The following EYA4 variants were observed in gnomAD, a reference collection of about 807,000 sequenced individuals.
EYA4 encodes the protein protein phosphatase EYA4.
Under a neutral mutation model 87.9 loss-of-function variants are expected in EYA4, and 31 were observed. The ratio of observed to expected loss-of-function variants is 0.35; its 90% CI spans 0.27 to 0.48. The LOEUF (loss-of-function observed/expected upper bound fraction) is 0.48, where lower values mean the gene tolerates loss of function less well. Among genes scored for constraint, EYA4 ranks in the 20% least tolerant of loss-of-function variants. EYA4 has a pLI of 0.99. For missense variants in EYA4, 678 were observed against 761.4 expected (o/e 0.89, Z 1.29); for synonymous variants, 263 against 270.6 (o/e 0.97, Z 0.28).
intron 1 of EYA4, among the ~76,000 whole-genome samples, chr6:133,271,396 A>T (rs964826698): frequency 3.3e-5 from 5 of 152,176 alleles, no homozygotes; most frequent in African/African-American, 1.2e-4. Context: ...CCTCGGTCAG[A>T]GGCAATGCTG....
chr6:133,463,354 C>CTTTTTTTTT (rs571663764), intron 9 of EYA4, among the ~76,000 whole-genome samples: 6 of 115,230 alleles, frequency 5.2e-5, no homozygotes, highest in South Asian at 2.8e-4. Context: ...TGTGTTTTAT[C>CTTTTTTTTT]TTTTTTTTTT....
At chr6:133,261,257 A>G (rs1481044577) in intron 1 of EYA4, among the ~76,000 whole-genome samples, 2 of 152,190 alleles carry the variant, frequency 1.3e-5, no homozygotes, top group Non-Finnish European at 2.9e-5. Context: ...TGTTGCAATG[A>G]TATCACATGT....
chr6:133,398,767 T>G (rs1788014251), intron 3 of EYA4, among the ~76,000 whole-genome samples: 1 of 152,152 alleles, frequency 6.6e-6, no homozygotes, highest in Non-Finnish European at 1.5e-5. Flanking sequence ...AATGGCAGTT[T>G]CCTAAAGAAA....
In EYA4 at chr6:133,506,117, G is replaced by A; in HGVS notation, c.1203G>A (p.Met401Ile). 1.2e-6 allele frequency: 2 copies of A among 1,604,766 alleles called. No homozygotes were observed. Among genetic ancestry groups the A allele is most frequent in the Non-Finnish European group, 1.7e-6 (2 of 1,171,696 alleles). ...YAQKYGKDPP[M>I]AVTLGLRMEE... ...CATTTTCTTTACAGGATCCCCCCAT[G>A]GCTGTAACCCTTGGACTCCGCATGG... The change falls in exon 14 of 20, where the codon ATG (methionine) becomes ATA (isoleucine). Residue 401 changes from methionine (M) to isoleucine (I), a missense_variant. Physicochemically the swap from Met to Ile is conservative, Grantham distance 10. Transcript: ENST00000355286.
At position 133,292,418 on chromosome 6, in the gene EYA4, A is replaced by G. The variant is rs1194364406; in HGVS notation, c.33+17605A>G. ...GCATAATTGTTGGAATTATATGTAC[A>G]TTGTTTTAATTCTTGAGCCCTTAAT... is the stretch of plus-strand genomic sequence containing the variant. On this transcript the variant is annotated intron_variant, in intron 2 of 19. Transcript: ENST00000355286. 2.6e-5 allele frequency among the ~76,000 whole-genome samples: 4 copies of G among 152,262 alleles called. No individual in the cohort carries two copies. The East Asian group carries it at 5.8e-4, about 22-fold the overall frequency.
rs181407334 is a variant in EYA4, at chr6:133,347,765, T to C, written c.34-34627T>C. Among the ~76,000 whole-genome samples the C allele has an allele frequency of 3.2e-3, 495 of 152,326 alleles. 3 individuals carry two copies. The highest frequency in any genetic ancestry group is 0.011 in the African/African-American group (463 of 41,592). ...GGTTAAATAACTTGTCCCAAAATCA[T>C]GTACCTAGTTAGTGGCAGAGTGAAA... On this transcript the variant is annotated intron_variant, in intron 2 of 19. Transcript: ENST00000355286.
At chr6:133,348,317 AG>A (rs1194963323) in intron 2 of EYA4, among the ~76,000 whole-genome samples, 1 of 118,226 alleles carries the variant, frequency 8.5e-6, no homozygotes, top group Non-Finnish European at 1.6e-5. Context: ...TCTGTTGCCC[AG>A]GCTGGAGTGC....
At position 133,528,245 on chromosome 6, in the gene EYA4, A is replaced by C. The variant is rs112852864; in HGVS notation, c.1840-480A>C. Among the ~76,000 whole-genome samples the C allele has an allele frequency of 2.4e-3, 363 of 152,240 alleles. 2 individuals carry two copies. Among genetic ancestry groups the C allele is most frequent in the African/African-American group, 8.3e-3 (344 of 41,558 alleles). ...TTTCTACTTTATGTAGTCCTGCTTC[A>C]AATTATTTTTATACAGAAAGGAATT... On this transcript the variant is annotated intron_variant, in intron 19 of 19. Transcript: ENST00000355286.
At chr6:133,518,583 T>G (rs567338198) in intron 17 of EYA4, among the ~76,000 whole-genome samples, 83 of 152,312 alleles carry the variant, frequency 5.4e-4, no homozygotes, top group African/African-American at 1.9e-3. Flanking sequence ...CTAATTATTC[T>G]GTGAATATAG....
At chr6:133,277,336 A>T (rs1309327404) in intron 2 of EYA4, among the ~76,000 whole-genome samples, 2 of 152,192 alleles carry the variant, frequency 1.3e-5, no homozygotes, top group Non-Finnish European at 2.9e-5. Context: ...TCAGAATTAA[A>T]CCAACTTCTC....
rs193090387 is a variant in EYA4 at position 133,392,473 on chromosome 6, A to T, written c.83+10032A>T. Among the ~76,000 whole-genome samples, 500 of 152,254 alleles carry T rather than the reference A, an allele frequency of 3.3e-3. 9 individuals are homozygous for T. The highest frequency in any genetic ancestry group is 1.1e-3 in the Non-Finnish European group (73 of 68,014). ...CTGATCAGGTAATGATATAATTAAA[A>T]TTGTACTGGTGATGACAGATCAACC... On this transcript the variant is annotated intron_variant, in intron 3 of 19. Coordinates refer to ENST00000355286, the MANE Select transcript of EYA4 (RefSeq NM_004100.5).
At chr6:133,420,329 G>A (rs571228027) in intron 3 of EYA4, among the ~76,000 whole-genome samples, 57 of 152,276 alleles carry the variant, frequency 3.7e-4, no homozygotes, top group African/African-American at 1.3e-3. Context: ...TAAAATGTAG[G>A]TTTTCTCTCC....
At chr6:133,346,002 C>T (rs1387634165) in intron 2 of EYA4, among the ~76,000 whole-genome samples, 1 of 152,178 alleles carries the variant, frequency 6.6e-6, no homozygotes, top group African/African-American at 2.4e-5. Flanking sequence ...TGAAAGTCTA[C>T]ACTCCAGGAG....
At chr6:133,484,383 T>C in intron 13 of EYA4, among the ~76,000 whole-genome samples, 1 of 152,256 alleles carries the variant, frequency 6.6e-6, no homozygotes, top group South Asian at 2.1e-4. Context: ...TGACAAGTAA[T>C]GATAAAATTG....
chr6:133,478,100 T>C (rs1795899673), intron 11 of EYA4, among the ~76,000 whole-genome samples: 1 of 151,990 alleles, frequency 6.6e-6, no homozygotes, highest in Admixed American at 6.6e-5. Context: ...GCTAACAATA[T>C]CAAGTATTGA....
intron 3 of EYA4, among the ~76,000 whole-genome samples, chr6:133,434,392 G>A (rs1390272223): frequency 6.6e-6 from 1 of 152,172 alleles, no homozygotes; most frequent in Non-Finnish European, 1.5e-5. Context: ...GACAAACCAG[G>A]CTGTTTTATT....
intron 2 of EYA4, among the ~76,000 whole-genome samples, chr6:133,376,420 C>CT (rs1352956190): frequency 6.6e-6 from 1 of 151,778 alleles, no homozygotes. Context: ...ATTATTAATG[C>CT]TCATTTCAAA....
At chr6:133,354,113 A>G (rs1336530) in intron 2 of EYA4, among the ~76,000 whole-genome samples, 4,748 of 152,206 alleles carry the variant, frequency 0.031, 177 homozygotes, top group East Asian at 0.2. Context: ...TGGATGTGCT[A>G]TAGTATTTTT....
intron 2 of EYA4, among the ~76,000 whole-genome samples, chr6:133,281,952 A>G (rs182413124): frequency 4.2e-4 from 64 of 151,414 alleles, no homozygotes; most frequent in African/African-American, 1.4e-3. Context: ...AGATGATTTC[A>G]TTTTTTTTAT....
Sources: allele counts gnomAD v4.1 joint callset (sites outside exome capture counted in the v4.1 genomes callset), GRCh38; gene constraint gnomAD v4.1.1; transcripts MANE v1.5; gene names NCBI Gene and HGNC (gene_info 2026-07-23, HGNC 2026-07-21).